The following CAMK1D variants were observed in gnomAD, a reference collection of about 807,000 sequenced individuals.
CAMK1D encodes the protein calcium/calmodulin dependent protein kinase ID.
CAMK1D carries 9 observed loss-of-function variants against 47.7 expected under a neutral mutation model. That is an observed-to-expected ratio of 0.19 (90% CI 0.11 to 0.33). The LOEUF is 0.33. CAMK1D is among the 10% of genes least tolerant of loss of function. The pLI is 1.00. For missense variants in CAMK1D, 291 were observed against 488.7 expected, an observed-to-expected ratio of 0.60 and a Z score of 3.81; for synonymous variants, 184 against 184.9, an observed-to-expected ratio of 0.99 and a Z score of 0.04.
intron 1 of CAMK1D, among the ~76,000 whole-genome samples, chr10:12,504,110 T>G (rs11257838): frequency 0.14 from 17,665 of 129,798 alleles, 1,317 homozygotes; most frequent in East Asian, 0.4. Flanking sequence ...ATAAGATGGG[T>G]GTGTGTGTGT....
chr10:12,367,586 C>G (rs1207370832), intron 1 of CAMK1D, among the ~76,000 whole-genome samples: 1 of 152,026 alleles, frequency 6.6e-6, no homozygotes. Flanking sequence ...TGTTTTCCTG[C>G]AAGCCACCTG....
At chr10:12,497,747 GA>G (rs1834585082) in intron 1 of CAMK1D, among the ~76,000 whole-genome samples, 2 of 150,934 alleles carry the variant, frequency 1.3e-5, no homozygotes, top group South Asian at 4.2e-4. Context: ...CAAATTAGGT[GA>G]TTAGATTGGA....
chr10:12,403,581 C>T (rs1451576349), intron 1 of CAMK1D, among the ~76,000 whole-genome samples: 1 of 152,076 alleles, frequency 6.6e-6, no homozygotes, highest in Non-Finnish European at 1.5e-5. Context: ...ATCTGGGATG[C>T]AGAATTGGTT....
chr10:12,758,697 T>G (rs1192078298), intron 3 of CAMK1D, among the ~76,000 whole-genome samples: 6 of 152,162 alleles, frequency 3.9e-5, no homozygotes, highest in African/African-American at 1.4e-4. Flanking sequence ...AAAGAGGACC[T>G]TGACAGAATG....
chr10:12,530,587 A>G (rs974959057), intron 1 of CAMK1D, among the ~76,000 whole-genome samples: 10 of 152,178 alleles, frequency 6.6e-5, no homozygotes, highest in African/African-American at 1.9e-4. Flanking sequence ...TGTTATAGGA[A>G]TGTTTTGTGG....
chr10:12,558,002 G>A (rs1443379398), intron 2 of CAMK1D, among the ~76,000 whole-genome samples: 2 of 152,238 alleles, frequency 1.3e-5, no homozygotes, highest in African/African-American at 4.8e-5. Flanking sequence ...GAAGCTCAGA[G>A]GGAAACATTC....
intron 3 of CAMK1D, among the ~76,000 whole-genome samples, chr10:12,742,656 G>C (rs962886160): frequency 6.6e-6 from 1 of 152,158 alleles, no homozygotes; most frequent in African/African-American, 2.4e-5. Flanking sequence ...TAGCTTGAAG[G>C]GCTCTTTAGC....
At chr10:12,807,389 C>A (rs569144547) in intron 6 of CAMK1D, among the ~76,000 whole-genome samples, 1 of 152,200 alleles carries the variant, frequency 6.6e-6, no homozygotes, top group African/African-American at 2.4e-5. Flanking sequence ...GAGTGGAGAT[C>A]TCTCCTCCCG....
Position 12,814,221 on chromosome 10 carries a change from A to T in CAMK1D, c.668A>T (p.Asp223Val). ...CTCTGCGGCTACCCTCCTTTTTATG[A>T]TGAAAATGACTCCAAGCTCTTTGAG... ...ILLCGYPPFY[D>V]ENDSKLFEQI... is the part of the protein sequence containing the mutation. The change falls in exon 7 of 11, where the codon GAT (aspartate) becomes GTT (valine). Residue 223 changes from aspartate (D) to valine (V), a missense_variant. By Grantham distance (152) the Asp-to-Val change is radical. Coordinates refer to ENST00000619168, the MANE Select transcript of CAMK1D (RefSeq NM_153498.4). 1 of 1,613,704 alleles carries T rather than the reference A, an allele frequency of 6.2e-7. No homozygotes were observed. The highest frequency in any genetic ancestry group is 8.5e-7 in the Non-Finnish European group (1 of 1,179,724).
rs1241364748 is a variant in CAMK1D, at chr10:12,734,470, ATG to A, written c.300-26474_300-26473del. On this transcript the variant is annotated intron_variant, in intron 3 of 10. Coordinates refer to ENST00000619168, the MANE Select transcript of CAMK1D (RefSeq NM_153498.4). ...TATGTGTATATATACACATACACAT[ATG>A]TGTATATATACACATATGTATATAT... is the stretch of plus-strand genomic sequence containing the variant. 8.6e-3 allele frequency among the ~76,000 whole-genome samples: 52 copies of A among 6,012 alleles called. 1 individual carries two copies. The highest frequency in any genetic ancestry group is 0.031 in the East Asian group (2 of 64). The allele number at this position is 6,012 out of a possible 152,430, so 3.9% of individuals were successfully genotyped here.
intron 3 of CAMK1D, among the ~76,000 whole-genome samples, chr10:12,671,346 C>CTTT (rs35207765): frequency 7.0e-6 from 1 of 142,558 alleles, no homozygotes; most frequent in Non-Finnish European, 1.5e-5. Context: ...AATGATAGCT[C>CTTT]TTTTTTTTTT....
chr10:12,403,628 A>G (rs557977294), intron 1 of CAMK1D, among the ~76,000 whole-genome samples: 2 of 152,346 alleles, frequency 1.3e-5, no homozygotes, highest in African/African-American at 4.8e-5. Flanking sequence ...GAAGGCGTGC[A>G]CCATAGAATT....
chr10:12,828,321 TA>T (rs1404871449), intron 10 of CAMK1D, among the ~76,000 whole-genome samples: 1 of 151,786 alleles, frequency 6.6e-6, no homozygotes, highest in African/African-American at 2.4e-5. Flanking sequence ...CACAGGTAGG[TA>T]AAAATAGTCA....
chr10:12,810,700 A>G (rs1242777856), intron 6 of CAMK1D, among the ~76,000 whole-genome samples: 1 of 152,230 alleles, frequency 6.6e-6, no homozygotes, highest in Non-Finnish European at 1.5e-5. Context: ...CACAGAGAGA[A>G]CACAAAGTCA....
At chr10:12,605,687 G>A (rs1331654934) in intron 2 of CAMK1D, among the ~76,000 whole-genome samples, 4 of 152,180 alleles carry the variant, frequency 2.6e-5, no homozygotes, top group African/African-American at 9.7e-5. Context: ...GAGCCCTGGG[G>A]GCTGCGGTGC....
At chr10:12,673,031 G>T (rs1215272906) in intron 3 of CAMK1D, among the ~76,000 whole-genome samples, 1 of 151,524 alleles carries the variant, frequency 6.6e-6, no homozygotes, top group Non-Finnish European at 1.5e-5. Context: ...TGAGTAGCTG[G>T]GATTACAGGT....
intron 2 of CAMK1D, among the ~76,000 whole-genome samples, chr10:12,650,307 G>A (rs920436155): frequency 1.3e-5 from 2 of 152,260 alleles, no homozygotes; most frequent in African/African-American, 4.8e-5. Context: ...CAGCGTGCCA[G>A]GGGCAGGGTC....
At chr10:12,643,072 G>C (rs917766883) in intron 2 of CAMK1D, among the ~76,000 whole-genome samples, 11 of 152,134 alleles carry the variant, frequency 7.2e-5, no homozygotes, top group African/African-American at 1.9e-4. Context: ...CGTGATCTCA[G>C]CTCACTGCAA....
At chr10:12,787,126 GAAA>G (rs754756541) in intron 5 of CAMK1D, among the ~76,000 whole-genome samples, 82 of 45,800 alleles carry the variant, frequency 1.8e-3, no homozygotes, top group Middle Eastern at 9.1e-3. Context: ...CCTTCTCAAA[GAAA>G]AAAAAGAAGA....
Sources: allele counts gnomAD v4.1 joint callset (sites outside exome capture counted in the v4.1 genomes callset), GRCh38; gene constraint gnomAD v4.1.1; transcripts MANE v1.5; gene names NCBI Gene and HGNC (gene_info 2026-07-23, HGNC 2026-07-21).